The following ZMIZ1 variants were observed in gnomAD, a reference collection of about 807,000 sequenced individuals.
The protein encoded by ZMIZ1 is zinc finger MIZ domain-containing protein 1.
Under a neutral mutation model 113.9 loss-of-function variants are expected in ZMIZ1, and 17 were observed. The observed-to-expected ratio is 0.15, with a 90% CI of 0.10 to 0.22. The LOEUF is 0.22. ZMIZ1 is among the 10% of genes least tolerant of loss of function. The probability of loss-of-function intolerance (pLI) is 1.00; values close to 1 mark genes in which losing one functional copy is unlikely to be tolerated. For missense variants in ZMIZ1, 1,059 were observed against 1,477.8 expected, an observed-to-expected ratio of 0.72 and a Z score of 4.65; for synonymous variants, 607 against 603.1, an observed-to-expected ratio of 1.01 and a Z score of -0.09.
intron 7 of ZMIZ1, among the ~76,000 whole-genome samples, chr10:79,227,405 G>C (rs1849237325): frequency 6.6e-6 from 1 of 152,180 alleles, no homozygotes. Flanking sequence ...CATAGAGAAG[G>C]GTGGTCATTA....
rs576965220 is a variant in ZMIZ1, at chr10:79,277,468, C to T, written c.425+143C>T. On this transcript the variant is annotated intron_variant, in intron 8 of 24. Transcript: ENST00000334512. ...CTAAGGTGCAGTTGTTTTTTTACAT[C>T]TTCGTGGGTGAGCCCTGTTTCTCCC... The T allele has an allele frequency of 7.0e-5, 77 of 1,095,964 alleles. No homozygotes were observed. In the African/African-American group the frequency reaches 1.2e-3, roughly 18 times the overall value. 67.9% of individuals were successfully genotyped at this position (1,095,964 alleles called of 1,614,324 possible). A position where few individuals can be genotyped will look rare whatever the true frequency, so the allele number is the denominator to read the frequency against.
intron 3 of ZMIZ1, among the ~76,000 whole-genome samples, chr10:79,157,815 G>T (rs1845962489): frequency 6.6e-6 from 1 of 152,186 alleles, no homozygotes; most frequent in South Asian, 2.1e-4. Context: ...GGCCCGCCAG[G>T]GGAGGACAGG....
chr10:79,203,706 A>T (rs1848196889), intron 5 of ZMIZ1, among the ~76,000 whole-genome samples: 1 of 152,240 alleles, frequency 6.6e-6, no homozygotes, highest in African/African-American at 2.4e-5. Context: ...TCTTGGGCAG[A>T]GGCCCACCAG....
chr10:79,206,988 C>T (rs1054447974), intron 5 of ZMIZ1, among the ~76,000 whole-genome samples: 1 of 152,240 alleles, frequency 6.6e-6, no homozygotes, highest in Non-Finnish European at 1.5e-5. Context: ...TAAAACCCCA[C>T]CACCAAGTCA....
intron 8 of ZMIZ1, among the ~76,000 whole-genome samples, chr10:79,280,793 CA>C (rs1389370134): frequency 2.0e-5 from 3 of 152,012 alleles, no homozygotes; most frequent in African/African-American, 7.3e-5. Flanking sequence ...TCTAAAAAGA[CA>C]AAACCTGCCT....
intron 4 of ZMIZ1, among the ~76,000 whole-genome samples, chr10:79,191,373 C>CGGG (rs34204798): frequency 4.6e-5 from 7 of 151,198 alleles, no homozygotes; most frequent in South Asian, 2.1e-4. Context: ...AGCTGGTGGT[C>CGGG]GGGGGGGGTC....
chr10:79,303,765 G>A (rs1256706079), intron 18 of ZMIZ1, among the ~76,000 whole-genome samples: 2 of 152,218 alleles, frequency 1.3e-5, no homozygotes, highest in Admixed American at 1.3e-4. Flanking sequence ...TGCAGAGACA[G>A]GGGAACTGCC....
intron 1 of ZMIZ1, among the ~76,000 whole-genome samples, chr10:79,080,789 T>G (rs1443438422): frequency 6.6e-6 from 1 of 152,150 alleles, no homozygotes; most frequent in Non-Finnish European, 1.5e-5. Context: ...GGAGTGGGTC[T>G]GCATTGGGGG....
intron 2 of ZMIZ1, among the ~76,000 whole-genome samples, chr10:79,137,543 T>C (rs901453318): frequency 6.6e-5 from 10 of 151,846 alleles, no homozygotes; most frequent in Non-Finnish European, 5.9e-5. Context: ...GGTGGGGCCG[T>C]GGGAAGCAGG....
At chr10:79,301,924 G>A (rs1025191852) in intron 17 of ZMIZ1, among the ~76,000 whole-genome samples, 183 bp from the exon 18 acceptor site, 1 of 152,128 alleles carries the variant, frequency 6.6e-6, no homozygotes, top group African/African-American at 2.4e-5. Context: ...CCACCTTGTC[G>A]ATCTGCAGCA....
At chr10:79,094,627 CT>C (rs1399094082) in intron 1 of ZMIZ1, among the ~76,000 whole-genome samples, 2 of 152,168 alleles carry the variant, frequency 1.3e-5, no homozygotes, top group Non-Finnish European at 2.9e-5. Context: ...CAAGGCCTCG[CT>C]GGGCATCACT....
intron 1 of ZMIZ1, among the ~76,000 whole-genome samples, chr10:79,093,120 A>AC (rs201764102): frequency 0.01 from 952 of 95,184 alleles, 5 homozygotes; most frequent in Non-Finnish European, 0.014. Flanking sequence ...TCTTTCTACC[A>AC]CCCCCCCCAC....
chr10:79,072,850 C>T (rs528740711), intron 1 of ZMIZ1, among the ~76,000 whole-genome samples: 3 of 152,370 alleles, frequency 2.0e-5, no homozygotes, highest in African/African-American at 4.8e-5. Context: ...CCTTGCCTGG[C>T]GACAGCTCTG....
chr10:79,113,037 A>C (rs1018076515), intron 1 of ZMIZ1, among the ~76,000 whole-genome samples: 1 of 152,164 alleles, frequency 6.6e-6, no homozygotes, highest in Non-Finnish European at 1.5e-5. Flanking sequence ...AGGGCTTCTC[A>C]ACAGCTTTCA....
intron 8 of ZMIZ1, among the ~76,000 whole-genome samples, chr10:79,277,797 C>G (rs763222093): frequency 1.3e-5 from 2 of 152,160 alleles, no homozygotes; most frequent in Non-Finnish European, 2.9e-5. Flanking sequence ...TGCTGGAGGC[C>G]GACAGCACCG....
chr10:79,279,136 GCCGGACGGGGGCTGCCCCCGACCTC>G (rs1304394957), intron 8 of ZMIZ1, among the ~76,000 whole-genome samples: 16 of 150,480 alleles, frequency 1.1e-4, no homozygotes, highest in Admixed American at 8.5e-4. Context: ...GGGGCGGCTG[GCCGGACGGGGGCTGCCCCCGACCTC>G]CCGGACGGGG....
chr10:79,273,306 G>A (rs1003304975), intron 7 of ZMIZ1, among the ~76,000 whole-genome samples: 1 of 152,102 alleles, frequency 6.6e-6, no homozygotes, highest in Non-Finnish European at 1.5e-5. Context: ...TTCTGTGGCT[G>A]AACCTCTGCT....
At chr10:79,114,482 TGTGTGTGTGTGCGTGTGTGTGTGC>T (rs757554719) in intron 1 of ZMIZ1, among the ~76,000 whole-genome samples, 5 of 124,868 alleles carry the variant, frequency 4.0e-5, no homozygotes, top group Non-Finnish European at 6.8e-5. Context: ...TGTGTCTGTG[TGTGTGTGTGTGCGTGTGTGTGTGC>T]GTGTGTGTGT....
At chr10:79,290,817 C>G (rs1372087771) in intron 9 of ZMIZ1, 142 bp from the exon 10 acceptor site, 3 of 942,852 alleles carry the variant, frequency 3.2e-6, no homozygotes. Flanking sequence ...CAGAATAGTT[C>G]ATCCACCCTC....
Sources: gnomAD v4.1 joint callset for allele counts (sites outside exome capture counted in the v4.1 genomes callset) on GRCh38, gnomAD v4.1.1 for gene constraint, MANE v1.5 for transcripts, NCBI Gene and HGNC (gene_info 2026-07-23, HGNC 2026-07-21) for gene names.